The following IGFL2 variants were observed in gnomAD, a reference collection of about 807,000 sequenced individuals.
The protein encoded by IGFL2 is IGF like family member 2.
Under a neutral mutation model 13.9 loss-of-function variants are expected in IGFL2, and 7 were observed. The observed-to-expected ratio is 0.51, with a 90% CI of 0.29 to 0.95. The LOEUF is 0.95. IGFL2 is among the 40% of genes least tolerant of loss of function. The probability of loss-of-function intolerance (pLI) is 0.08; values close to 1 mark genes in which losing one functional copy is unlikely to be tolerated. For missense variants in IGFL2, 138 were observed against 147.8 expected (o/e 0.93, Z 0.34); for synonymous variants, 55 against 55.8 (o/e 0.99, Z 0.07).
chr19:46,123,533 T>C, the IGFL2 span, among the ~76,000 whole-genome samples: 1 of 150,920 alleles, frequency 6.6e-6, no homozygotes, highest in Admixed American at 6.6e-5. Flanking sequence ...TATATTATTA[T>C]AAGCTTCTTC....
At chr19:46,086,792 T>G in the IGFL2 span, among the ~76,000 whole-genome samples, 2 of 152,262 alleles carry the variant, frequency 1.3e-5, no homozygotes, top group South Asian at 4.1e-4. Flanking sequence ...AGGATTTTTT[T>G]CCTGAAGTTG....
At chr19:46,088,890 A>G in the IGFL2 span, among the ~76,000 whole-genome samples, 114 of 152,364 alleles carry the variant, frequency 7.5e-4, 2 homozygotes, top group South Asian at 0.017. Flanking sequence ...GACAGAGGAA[A>G]TAATCAGCAA....
the IGFL2 span, chr19:46,181,450 A>G: frequency 6.6e-6 from 1 of 152,224 alleles, no homozygotes; most frequent in East Asian, 1.9e-4. Context: ...TTCCTGCCCC[A>G]GAGTCACATA....
chr19:46,204,389 G>A, the IGFL2 span, among the ~76,000 whole-genome samples: 1 of 152,172 alleles, frequency 6.6e-6, no homozygotes, highest in East Asian at 1.9e-4. Context: ...GACCTGCAGG[G>A]GCCCCTCATG....
the IGFL2 span, among the ~76,000 whole-genome samples, chr19:46,115,010 T>C: frequency 2.0e-4 from 31 of 152,306 alleles, 1 homozygote; most frequent in African/African-American, 6.0e-4. Flanking sequence ...TATTTGGTGA[T>C]TATCTTTCTC....
At chr19:46,116,313 ATGCAT>A in the IGFL2 span, among the ~76,000 whole-genome samples, 6 of 152,212 alleles carry the variant, frequency 3.9e-5, 1 homozygote, top group African/African-American at 1.4e-4. Flanking sequence ...ACCGTTGATA[ATGCAT>A]TGCTGGCAAT....
intron 1 of IGFL2, among the ~76,000 whole-genome samples, chr19:46,158,242 C>CTT: frequency 6.6e-6 from 1 of 152,248 alleles, no homozygotes; most frequent in Admixed American, 6.5e-5. Context: ...GAGTGTCACT[C>CTT]TGTCACCTAG....
downstream of IGFL2, chr19:46,161,319 T>C: frequency 1.8e-4 from 19 of 104,092 alleles, no homozygotes; most frequent in South Asian, 8.3e-4. Flanking sequence ...GTCTCCTTTC[T>C]TTTTTTTTTT....
At chr19:46,135,211 A>G in the IGFL2 span, among the ~76,000 whole-genome samples, 1 of 152,222 alleles carries the variant, frequency 6.6e-6, no homozygotes, top group Non-Finnish European at 1.5e-5. Flanking sequence ...GACTAACACT[A>G]TTAATGAATC....
At chr19:46,085,330 A>G in the IGFL2 span, among the ~76,000 whole-genome samples, 12 of 152,230 alleles carry the variant, frequency 7.9e-5, no homozygotes, top group African/African-American at 2.9e-4. Flanking sequence ...TGTTGGGTGC[A>G]TGTGTATTTC....
the IGFL2 span, among the ~76,000 whole-genome samples, chr19:46,087,149 A>G: frequency 1.3e-5 from 2 of 152,034 alleles, no homozygotes; most frequent in Non-Finnish European, 2.9e-5. Context: ...TGGTATTTGG[A>G]TGGGTGGACA....
chr19:46,114,552 CAT>C, the IGFL2 span, among the ~76,000 whole-genome samples: 11 of 152,148 alleles, frequency 7.2e-5, no homozygotes, highest in Non-Finnish European at 1.6e-4. Flanking sequence ...AATTACCCCA[CAT>C]GTTAGGGAGG....
At chr19:46,090,876 T>C in the IGFL2 span, among the ~76,000 whole-genome samples, 1 of 152,194 alleles carries the variant, frequency 6.6e-6, no homozygotes, top group Admixed American at 6.5e-5. Flanking sequence ...GTCTGCCTAA[T>C]GCAGGGTTTT....
At chr19:46,083,377 A>G in the IGFL2 span, among the ~76,000 whole-genome samples, 17 of 152,234 alleles carry the variant, frequency 1.1e-4, no homozygotes, top group Non-Finnish European at 2.2e-4. Context: ...ATGTGCTCTT[A>G]GGGATTTAAA....
chr19:46,188,422 C>T, the IGFL2 span, among the ~76,000 whole-genome samples: 1 of 152,060 alleles, frequency 6.6e-6, no homozygotes, highest in African/African-American at 2.4e-5. Flanking sequence ...CCGCCCCCCC[C>T]ACTCTCCTCT....
the IGFL2 span, among the ~76,000 whole-genome samples, chr19:46,190,993 A>G: frequency 0.01 from 1,594 of 152,220 alleles, 32 homozygotes; most frequent in East Asian, 0.068. Context: ...CAGGCCCCTC[A>G]GTATGCACCA....
the IGFL2 span, among the ~76,000 whole-genome samples, chr19:46,098,540 T>C: frequency 0.013 from 1,942 of 149,300 alleles, 30 homozygotes; most frequent in Middle Eastern, 0.028. Flanking sequence ...AGTGCAGTGG[T>C]ATGATCTCAG....
chr19:46,155,384 TG>T (rs1281239277), intron 1 of IGFL2, among the ~76,000 whole-genome samples: 1 of 152,138 alleles, frequency 6.6e-6, no homozygotes, highest in Non-Finnish European at 1.5e-5. Context: ...CAGAGTTGGC[TG>T]GGGATGTGGG....
At chr19:46,092,314 C>G in the IGFL2 span, among the ~76,000 whole-genome samples, 2 of 152,024 alleles carry the variant, frequency 1.3e-5, no homozygotes, top group South Asian at 4.2e-4. Flanking sequence ...CACACAGCAC[C>G]ACTCCTGGCT....
Sources: allele counts gnomAD v4.1 joint callset (sites outside exome capture counted in the v4.1 genomes callset), GRCh38; gene constraint gnomAD v4.1.1; transcripts MANE v1.5; gene names NCBI Gene and HGNC (gene_info 2026-07-23, HGNC 2026-07-21).